CD40LG: variants seen among roughly 807,000 people sequenced by gnomAD.
The protein encoded by CD40LG is CD40 ligand.
A neutral mutation model predicts 17.2 loss-of-function variants in CD40LG; 1 was observed. The observed-to-expected ratio is 0.06, with a 90% confidence interval of 0.02 to 0.28. CD40LG has a LOEUF of 0.28. Among genes scored for constraint, CD40LG ranks in the 10% least tolerant of loss-of-function variants. The pLI is 1.00. For synonymous variants in CD40LG, 66 were observed against 74.4 expected, an observed-to-expected ratio of 0.89 and a Z score of 0.58; for missense variants, 133 against 193.2, an observed-to-expected ratio of 0.69 and a Z score of 1.85.
At chrX:136,656,982 C>G (rs899313449) in intron 4 of CD40LG, among the ~76,000 whole-genome samples, 2 of 112,510 alleles carry the variant, frequency 1.8e-5, no homozygotes, top group Admixed American at 9.4e-5. Flanking sequence ...TTTCCATATA[C>G]GTTCTGCCAC....
At chrX:136,658,019 AT>A (rs1311272965) in intron 4 of CD40LG, among the ~76,000 whole-genome samples, 1 of 111,689 alleles carries the variant, frequency 9.0e-6, no homozygotes, top group African/African-American at 3.3e-5. Flanking sequence ...TCTCAATAAA[AT>A]GGTTCAAAAG....
In CD40LG at chrX:136,651,458, A is replaced by G. The variant is rs756361626; in HGVS notation, c.288+1061A>G. ...TGTACTGTCACCGAGGTGCCATTTA[A>G]TTCATTAGTGAAGACTCTAACAGCT... On this transcript the variant is annotated intron_variant, in intron 2 of 4. Transcript: ENST00000370629. Among the ~76,000 whole-genome samples the G allele has an allele frequency of 7.1e-5, 8 of 111,965 alleles. No homozygotes were observed. The East Asian group carries it at 8.4e-4, about 12-fold the overall frequency.
intron 4 of CD40LG, 97 bp from the exon 5 acceptor site, chrX:136,658,942 T>A: frequency 1.0e-6 from 1 of 976,192 alleles, no homozygotes; most frequent in Middle Eastern, 2.6e-4. Flanking sequence ...TCCATCCCTA[T>A]ACAAAGCCAA....
intron 2 of CD40LG, among the ~76,000 whole-genome samples, chrX:136,654,034 C>T (rs770179121): frequency 3.6e-5 from 4 of 111,911 alleles, no homozygotes; most frequent in Admixed American, 9.5e-5. Context: ...TCTCCCCATT[C>T]GGCATTATTT....
At position 136,656,381 on chromosome X, in the gene CD40LG, A is replaced by G. The variant is rs1207780075; in HGVS notation, c.372A>G (p.Ala124=). 2.5e-6 allele frequency: 3 copies of G among 1,208,594 alleles called. No individual in the cohort carries two copies. The highest frequency in any genetic ancestry group is 3.4e-6 in the Non-Finnish European group (3 of 893,865). ...GTGATCAGAATCCTCAAATTGCGGC[A>G]CATGTCATAAGTGAGGCCAGCAGTA... The part of the protein sequence containing the change: ...QKGDQNPQIA[A]HVISEASSKT... Residue 124 remains alanine, a synonymous_variant, in exon 4 of 5, where the codon GCA becomes GCG. Transcript: ENST00000370629.
chrX:136,649,498 T>C (rs1339297491), intron 1 of CD40LG, among the ~76,000 whole-genome samples: 1 of 112,413 alleles, frequency 8.9e-6, no homozygotes, highest in Non-Finnish European at 1.9e-5. Flanking sequence ...TGTATGGACA[T>C]AGGCCTAGCT....
At chrX:136,655,228 A>T (rs2076115636) in intron 3 of CD40LG, among the ~76,000 whole-genome samples, 1 of 111,623 alleles carries the variant, frequency 9.0e-6, no homozygotes, top group South Asian at 3.8e-4. Context: ...GGAAGACAGC[A>T]ATCATGGTGG....
At chrX:136,656,313 T>C in intron 3 of CD40LG, 43 bp from the exon 4 acceptor site, 1 of 1,087,179 alleles carries the variant, frequency 9.2e-7, no homozygotes, top group Non-Finnish European at 1.3e-6. Context: ...TTGTGGGCAG[T>C]TTTTGCATTA....
chrX:136,652,116 C>G (rs369493466), intron 2 of CD40LG, among the ~76,000 whole-genome samples: 1 of 110,935 alleles, frequency 9.0e-6, no homozygotes, highest in African/African-American at 3.3e-5. Context: ...GGCAGATCTT[C>G]TCAGGCATGT....
rs1299375470 is a variant in CD40LG, at chrX:136,659,293, T to A, written c.664T>A (p.Ser222Thr). 8.3e-7 allele frequency: 1 copy of A among 1,209,624 alleles called. No individual in the cohort carries two copies. The highest frequency in any genetic ancestry group is 1.1e-6 in the Non-Finnish European group (1 of 894,879). The change falls in exon 5 of 5, where the codon TCC (serine) becomes ACC (threonine). Residue 222 changes from serine to threonine, a missense_variant. Physicochemically the swap from Ser to Thr is moderately conservative, Grantham distance 58. Transcript: ENST00000370629. ...TTCCGCCAAACCTTGCGGGCAACAA[T>A]CCATTCACTTGGGAGGAGTATTTGA... Reference protein sequence around the residue: ...HSSAKPCGQQSIHLGGVFELQ... With the variant: ...HSSAKPCGQQTIHLGGVFELQ...
chrX:136,653,751 T>C (rs1394957788), intron 2 of CD40LG, among the ~76,000 whole-genome samples: 1 of 112,476 alleles, frequency 8.9e-6, no homozygotes, highest in Admixed American at 9.4e-5. Flanking sequence ...CCTTTGAACA[T>C]CAACACCATT....
At chrX:136,656,443 T>C (rs752124228) in intron 4 of CD40LG, 25 bp downstream of exon 4, 5 of 1,162,658 alleles carry the variant, frequency 4.3e-6, no homozygotes, top group Non-Finnish European at 2.3e-6. Flanking sequence ...ATCTGAGCGG[T>C]AGCCACCCAA....
chrX:136,650,457 C>G, intron 2 of CD40LG, 60 bp downstream of exon 2: 3 of 1,053,122 alleles, frequency 2.8e-6, no homozygotes, highest in Non-Finnish European at 2.7e-6. Context: ...TTTGCTAGAT[C>G]GGGAAACTGA....
Position 136,650,389 on chromosome X carries a change from T to G in CD40LG, c.280T>G (p.Phe94Val). The G allele has an allele frequency of 8.3e-7, 1 of 1,208,039 alleles. No homozygotes were observed. The highest frequency in any genetic ancestry group is 1.1e-6 in the Non-Finnish European group (1 of 892,438). Residue 94 changes from phenylalanine (F) to valine (V), a missense_variant, in exon 2 of 5, where the codon TTT becomes GTT. Transcript: ENST00000370629. Reference sequence around the variant, plus strand: ...GGAGATTAAAAGCCAGTTTGAAGGCTTTGTGAAGGTAAGCAGCTTAATTAC... The same window carrying G: ...GGAGATTAAAAGCCAGTTTGAAGGCGTTGTGAAGGTAAGCAGCTTAATTAC... ...CEEIKSQFEG[F>V]VKDIMLNKEE...
At chrX:136,649,111 T>A (rs994523084) in intron 1 of CD40LG, among the ~76,000 whole-genome samples, 1 of 112,347 alleles carries the variant, frequency 8.9e-6, no homozygotes, top group Non-Finnish European at 1.9e-5. Context: ...AAGAAAACCA[T>A]CAGGACTTAT....
At chrX:136,650,443 T>C (rs777948950) in intron 2 of CD40LG, 46 bp downstream of exon 2, 27 of 1,136,976 alleles carry the variant, frequency 2.4e-5, no homozygotes, top group Middle Eastern at 2.5e-4. Context: ...AATATTTTAC[T>C]ACATTTGCTA....
chrX:136,655,142 T>C (rs772723858), intron 3 of CD40LG, among the ~76,000 whole-genome samples: 121 of 111,613 alleles, frequency 1.1e-3, no homozygotes, highest in Non-Finnish European at 2.0e-3. Context: ...TCTCCACTCA[T>C]TGGTCCCAGT....
intron 4 of CD40LG, among the ~76,000 whole-genome samples, chrX:136,656,700 C>A (rs1424528936): frequency 3.6e-5 from 4 of 111,616 alleles, no homozygotes; most frequent in African/African-American, 1.3e-4. Context: ...GACCATTGTT[C>A]TGACAACATA....
At chrX:136,649,453 AT>A (rs1217188644) in intron 1 of CD40LG, among the ~76,000 whole-genome samples, 1 of 112,185 alleles carries the variant, frequency 8.9e-6, no homozygotes, top group Non-Finnish European at 1.9e-5. Context: ...CTGGTTGGTT[AT>A]TTGTGTTTGG....
Sources: allele counts gnomAD v4.1 joint callset (sites outside exome capture counted in the v4.1 genomes callset), GRCh38; gene constraint gnomAD v4.1.1; transcripts MANE v1.5; gene names NCBI Gene and HGNC (gene_info 2026-07-23, HGNC 2026-07-21).